The following CFLAR variants were observed in gnomAD, a reference collection of about 807,000 sequenced individuals.
CFLAR encodes the protein CASP8 and FADD like apoptosis regulator.
A neutral mutation model predicts 51.1 loss-of-function variants in CFLAR; 14 were observed. The ratio of observed to expected loss-of-function variants is 0.27; its 90% CI spans 0.18 to 0.43. The LOEUF (loss-of-function observed/expected upper bound fraction) is 0.43. CFLAR is among the 20% of genes least tolerant of loss of function. The pLI is 1.00. For missense variants in CFLAR, 390 were observed against 566.5 expected (o/e 0.69, Z 3.16); for synonymous variants, 210 against 211.6 (o/e 0.99, Z 0.06).
intron 2 of CFLAR, among the ~76,000 whole-genome samples, chr2:201,131,908 C>T (rs1389081431): frequency 6.6e-6 from 1 of 152,116 alleles, no homozygotes; most frequent in African/African-American, 2.4e-5. Flanking sequence ...CCTGACTTTA[C>T]AAGGTTGTTG....
chr2:201,160,512 A>G lies in CFLAR; in HGVS notation c.874A>G (p.Ile292Val). 6.2e-7 allele frequency: 1 copy of G among 1,613,830 alleles called. No individual in the cohort carries two copies. The highest frequency in any genetic ancestry group is 8.5e-7 in the Non-Finnish European group (1 of 1,179,996). Residue 292 changes from isoleucine to valine, a missense_variant, in exon 9 of 10, where the codon ATT (isoleucine) becomes GTT (valine). Physicochemically the swap from Ile to Val is conservative, Grantham distance 29. Around this residue, in one of 2 missense-constraint regions of CFLAR, gnomAD observed 287 missense variants for 363.6 expected, o/e 0.79. Transcript: ENST00000309955. ...LHLSMHGISQ[I>V]LGQFACMPEH... The stretch of plus-strand genomic sequence containing the variant: ...TCTCAGTATGCATGGTATATCCCAG[A>G]TTCTTGGCCAATTTGCCTGTATGCC...
At chr2:201,151,766 A>C (rs1385952859) in intron 8 of CFLAR, among the ~76,000 whole-genome samples, 1 of 151,236 alleles carries the variant, frequency 6.6e-6, no homozygotes, top group Non-Finnish European at 1.5e-5. Flanking sequence ...TTGAAAAACT[A>C]AGTTTTTTGG....
intron 2 of CFLAR, among the ~76,000 whole-genome samples, chr2:201,131,025 G>A (rs778209760): frequency 2.4e-4 from 36 of 152,174 alleles, no homozygotes; most frequent in Non-Finnish European, 5.0e-4. Flanking sequence ...ACATTGGAGA[G>A]CCCACATTGA....
At position 201,169,041 on chromosome 2, in the gene CFLAR, T is replaced by C. The variant is rs1465917804; in HGVS notation, c.*5068T>C. The C allele has an allele frequency of 1.3e-5, 2 of 152,286 alleles. No individual in the cohort carries two copies. The highest frequency in any genetic ancestry group is 3.9e-4 in the East Asian group (2 of 5,194). 9.4% of individuals were successfully genotyped at this position (152,286 alleles called of 1,614,324 possible). On this transcript the variant is annotated 3_prime_UTR_variant, in exon 10 of 10. Transcript: ENST00000309955. Reference sequence around the variant, plus strand: ...ATGAAAATGGCCATACTACCCAAAGTAATTTATAGGTTCATTGCTATTCCC... The same window carrying C: ...ATGAAAATGGCCATACTACCCAAAGCAATTTATAGGTTCATTGCTATTCCC...
At chr2:201,148,890 A>G (rs992910291) in intron 6 of CFLAR, 113 bp from the exon 7 acceptor site, 1 of 724,558 alleles carries the variant, frequency 1.4e-6, no homozygotes, top group Non-Finnish European at 2.5e-6. Flanking sequence ...AGAAGAGATA[A>G]TTGAAGAAAA....
rs1344134936 is a variant in CFLAR, at chr2:201,173,501, C to G, written c.*9528C>G. 1 of 152,198 alleles carries G rather than the reference C, an allele frequency of 6.6e-6. No homozygotes were observed. Among genetic ancestry groups the G allele is most frequent in the Admixed American group, 6.5e-5 (1 of 15,270 alleles). The allele number at this position is 152,198 out of a possible 1,614,324, so 9.4% of individuals were successfully genotyped here. The stretch of plus-strand genomic sequence containing the variant: ...GGATTACAGGCGTGAGCCACCGCGC[C>G]CAGCCAATTTTTGTATTTTTAGTAA... On this transcript the variant is annotated 3_prime_UTR_variant, in exon 10 of 10. Coordinates refer to ENST00000309955, the MANE Select transcript of CFLAR (RefSeq NM_003879.7).
At chr2:201,149,629 A>T (rs1940908059) in intron 7 of CFLAR, 125 bp from the exon 8 acceptor site, 7 of 652,824 alleles carry the variant, frequency 1.1e-5, no homozygotes, top group Non-Finnish European at 1.6e-5. Flanking sequence ...GGGAAACTTC[A>T]GGCTGTGTCT....
At chr2:201,120,854 A>G (rs1439480237) in intron 1 of CFLAR, among the ~76,000 whole-genome samples, 1 of 152,220 alleles carries the variant, frequency 6.6e-6, no homozygotes, top group Non-Finnish European at 1.5e-5. Context: ...GAGATTGTTT[A>G]AAAGAGTAGG....
chr2:201,163,539 C>G, intron 9 of CFLAR: 1 of 1,188,570 alleles, frequency 8.4e-7, no homozygotes, highest in Non-Finnish European at 1.0e-6. Context: ...CTCCATGGGC[C>G]GGTGGTATTA....
rs1944082828 is a variant in CFLAR at position 201,172,563 on chromosome 2, A to G, written c.*8590A>G. On this transcript the variant is annotated 3_prime_UTR_variant, in exon 10 of 10. Coordinates refer to ENST00000309955, the MANE Select transcript of CFLAR (RefSeq NM_003879.7). ...AGAAACTCCATACCAGTGAGCTGCCACTCTAATCCTCCTCTTCCCCCAGCC... is the reference window on the plus strand; with the variant it reads ...AGAAACTCCATACCAGTGAGCTGCCGCTCTAATCCTCCTCTTCCCCCAGCC... 1 of 152,068 alleles carries G rather than the reference A, an allele frequency of 6.6e-6. No homozygotes were observed. Among genetic ancestry groups the G allele is most frequent in the African/African-American group, 2.4e-5 (1 of 41,384 alleles). 9.4% of individuals were successfully genotyped at this position (152,068 alleles called of 1,614,324 possible).
intron 1 of CFLAR, among the ~76,000 whole-genome samples, chr2:201,126,115 G>C (rs2048680457): frequency 2.0e-5 from 3 of 152,154 alleles, no homozygotes; most frequent in Non-Finnish European, 4.4e-5. Context: ...CGGCGGCCAA[G>C]AGACAGCTAA....
chr2:201,167,650 G>A lies in CFLAR; in HGVS notation c.*3677G>A, dbSNP rs565877191. The A allele has an allele frequency of 6.6e-6, 1 of 152,188 alleles. No homozygotes were observed. The highest frequency in any genetic ancestry group is 2.4e-5 in the African/African-American group (1 of 41,444). The allele number at this position is 152,188 out of a possible 1,614,324, so 9.4% of individuals were successfully genotyped here. ...CAGTGGGAAGTAATGTGTATGCTTG[G>A]CCTCATGAGCTAAAACCCTGTGTTA... On this transcript the variant is annotated 3_prime_UTR_variant, in exon 10 of 10. Coordinates refer to ENST00000309955, the MANE Select transcript of CFLAR (RefSeq NM_003879.7).
rs556833082 is a variant in CFLAR at position 201,160,889 on chromosome 2, C to A, written c.1251C>A (p.His417Gln). Residue 417 changes from histidine (H) to glutamine (Q), a missense_variant, in exon 9 of 10, where the codon CAC (histidine) becomes CAA (glutamine). Around this residue, in one of 2 missense-constraint regions of CFLAR, gnomAD observed 287 missense variants for 363.6 expected, o/e 0.79. Transcript: ENST00000309955. ...ACATGTCCCTGCTGGAGCAGTCTCA[C>A]AGCTCACCATCCCTGTACCTGCAGT... ...TADMSLLEQS[H>Q]SSPSLYLQCL... 5.9e-5 allele frequency: 95 copies of A among 1,612,672 alleles called. No individual in the cohort carries two copies. The highest frequency in any genetic ancestry group is 7.5e-5 in the Non-Finnish European group (89 of 1,178,942).
intron 5 of CFLAR, chr2:201,141,760 G>A (rs576303547): frequency 2.1e-6 from 1 of 472,360 alleles, no homozygotes; most frequent in Non-Finnish European, 2.8e-6. Flanking sequence ...CAAGGTATCG[G>A]AATTGTTCTT....
chr2:201,166,938 C>CAGAGGGAGACCGTGGAAAGAGAGAGAGAG lies in CFLAR; in HGVS notation c.*2980_*2981insAAAGAGAGAGAGAGAGAGGGAGACCGTGG, dbSNP rs540856227. 1.4e-5 allele frequency: 2 copies of CAGAGGGAGACCGTGGAAAGAGAGAGAGAG among 145,728 alleles called. No individual in the cohort carries two copies. The highest frequency in any genetic ancestry group is 5.1e-5 in the African/African-American group (2 of 39,230). 9.0% of individuals were successfully genotyped at this position (145,728 alleles called of 1,614,324 possible). A position where few individuals can be genotyped will look rare whatever the true frequency, so the allele number is the denominator to read the frequency against. ...GTACAGTCCAGCTTCGGCTCGGCAT[C>CAGAGGGAGACCGTGGAAAGAGAGAGAGAG]AGAGGGAGACCGTGGGGAGAGGGAG... is the stretch of plus-strand genomic sequence containing the variant. On this transcript the variant is annotated 3_prime_UTR_variant, in exon 10 of 10. Coordinates refer to ENST00000309955, the MANE Select transcript of CFLAR (RefSeq NM_003879.7).
Position 201,129,745 on chromosome 2 carries a change from A to G in CFLAR, c.-121A>G, listed in dbSNP as rs1360528683. On this transcript the variant is annotated 5_prime_UTR_variant, in exon 2 of 10. Transcript: ENST00000309955. ...TAACCACAGAACTCCCCCACTGGAA[A>G]GGATTCTGAAAGAAATGAAGTCAGC... 2 of 923,956 alleles carry G rather than the reference A, an allele frequency of 2.2e-6. No individual in the cohort carries two copies. The highest frequency in any genetic ancestry group is 3.3e-6 in the Non-Finnish European group (2 of 600,846). 57.2% of individuals were successfully genotyped at this position (923,956 alleles called of 1,614,324 possible).
At chr2:201,122,413 T>G (rs953992581) in intron 1 of CFLAR, 5 of 152,224 alleles carry the variant, frequency 3.3e-5, no homozygotes, top group Non-Finnish European at 5.9e-5. Context: ...CACCACCAGC[T>G]CCATCTTGCT....
chr2:201,132,952 A>G, intron 2 of CFLAR, 77 bp from the exon 3 acceptor site: 1 of 1,509,048 alleles, frequency 6.6e-7, no homozygotes, highest in Non-Finnish European at 9.1e-7. Context: ...CCATTGTTGC[A>G]TAGGGGAGGC....
At chr2:201,136,756 T>G (rs1470682673) in intron 4 of CFLAR, 1 of 410,166 alleles carries the variant, frequency 2.4e-6, no homozygotes, top group African/African-American at 2.0e-5. Flanking sequence ...TCTAAATGAC[T>G]GATCAAAGAT....
Sources: allele counts gnomAD v4.1 joint callset (sites outside exome capture counted in the v4.1 genomes callset), GRCh38; gene constraint gnomAD v4.1.1; regional missense constraint gnomAD v4.1.1; transcripts MANE v1.5; gene names NCBI Gene and HGNC (gene_info 2026-07-23, HGNC 2026-07-21).